CD96: variants seen among roughly 807,000 people sequenced by gnomAD.
CD96 encodes T-cell surface protein tactile.
CD96 carries 70 observed loss-of-function variants against 71.3 expected under a neutral mutation model. That is an observed-to-expected ratio of 0.98 (90% CI 0.81 to 1.20). The LOEUF is 1.20. CD96 is among the 50% of genes most tolerant of loss of function. The probability of loss-of-function intolerance (pLI) is 0.00; values close to 1 mark genes in which losing one functional copy is unlikely to be tolerated. For synonymous variants in CD96, 248 were observed against 233.0 expected (o/e 1.06, Z -0.59); for missense variants, 742 against 677.5 (o/e 1.10, Z -1.06).
intron 3 of CD96, among the ~76,000 whole-genome samples, chr3:111,568,420 C>T (rs972599017): frequency 6.6e-6 from 1 of 152,184 alleles, no homozygotes; most frequent in East Asian, 1.9e-4. Context: ...AAAAATTTCA[C>T]TGAGGATTCA....
intron 10 of CD96, among the ~76,000 whole-genome samples, chr3:111,628,052 C>A (rs1010840592): frequency 2.0e-5 from 3 of 151,884 alleles, no homozygotes; most frequent in Admixed American, 6.6e-5. Context: ...AGAATTAGCA[C>A]AAAAACACTG....
intron 6 of CD96, among the ~76,000 whole-genome samples, chr3:111,600,287 G>A (rs554362223): frequency 4.6e-5 from 7 of 152,230 alleles, no homozygotes; most frequent in South Asian, 4.1e-4. Flanking sequence ...AGTCCAAAAC[G>A]GAGTCCCAAC....
In CD96 at chr3:111,614,205, T is replaced by G. The variant is rs1938105038; in HGVS notation, c.1180+7413T>G. 2.0e-5 allele frequency among the ~76,000 whole-genome samples: 3 copies of G among 152,194 alleles called. No individual in the cohort carries two copies. The South Asian group carries it at 6.2e-4, about 32-fold the overall frequency. On this transcript the variant is annotated intron_variant, in intron 8 of 13. Coordinates refer to ENST00000352690, the MANE Select transcript of CD96 (RefSeq NM_005816.5). ...CCCCCAAGTGTGGCTCTAACTCAAC[T>G]TGGAAACGCTGGGATATGTGAGGTG...
In CD96 at chr3:111,610,816, G is replaced by A. The variant is rs1937883682; in HGVS notation, c.1180+4024G>A. 2.0e-5 allele frequency among the ~76,000 whole-genome samples: 3 copies of A among 152,200 alleles called. No individual in the cohort carries two copies. The South Asian group carries it at 6.2e-4, about 31-fold the overall frequency. On this transcript the variant is annotated intron_variant, in intron 8 of 13. Coordinates refer to ENST00000352690, the MANE Select transcript of CD96 (RefSeq NM_005816.5). Reference sequence around the variant, plus strand: ...GAGTTTCCGTCGCCTTGAGGAGAGAGCCCTGTGCCTTTCAATTCACTGGCT... The same window carrying A: ...GAGTTTCCGTCGCCTTGAGGAGAGAACCCTGTGCCTTTCAATTCACTGGCT...
At chr3:111,594,079 A>G (rs1937135693) in intron 5 of CD96, 11 of 1,614,020 alleles carry the variant, frequency 6.8e-6, no homozygotes, top group Non-Finnish European at 9.3e-6. Flanking sequence ...GAGTGGGCAT[A>G]GCACTCACAA....
At chr3:111,554,041 T>G (rs1401203536) in intron 2 of CD96, among the ~76,000 whole-genome samples, 1 of 152,056 alleles carries the variant, frequency 6.6e-6, no homozygotes, top group African/African-American at 2.4e-5. Context: ...AAAGTTTTCT[T>G]CATTTCCAAA....
intron 1 of CD96, 87 bp downstream of exon 1, chr3:111,542,396 C>T (rs1035183348): frequency 1.1e-6 from 1 of 872,968 alleles, no homozygotes; most frequent in African/African-American, 2.2e-5. Context: ...CTTGTGACTG[C>T]TGCTGAAATT....
At position 111,593,612 on chromosome 3, in the gene CD96, G is replaced by C. The variant is rs763721227; in HGVS notation, c.808-4508G>C. On this transcript the variant is annotated intron_variant, in intron 5 of 13. Coordinates refer to ENST00000352690, the MANE Select transcript of CD96 (RefSeq NM_005816.5). ...CTCCCGCTGGCATGCCTCCTTCTCA[G>C]CCCTCACCTTCCACTTCATCTCCAG... is the stretch of plus-strand genomic sequence containing the variant. The C allele has an allele frequency of 5.7e-6, 9 of 1,583,532 alleles. No homozygotes were observed. In the East Asian group the frequency reaches 1.8e-4, roughly 32 times the overall value.
chr3:111,628,105 C>A (rs1337001340), intron 10 of CD96, among the ~76,000 whole-genome samples: 2 of 152,064 alleles, frequency 1.3e-5, no homozygotes, highest in African/African-American at 2.4e-5. Flanking sequence ...AAAACAACAA[C>A]CAGAATGCTC....
chr3:111,551,002 G>A (rs980805379), intron 2 of CD96, among the ~76,000 whole-genome samples: 17 of 152,012 alleles, frequency 1.1e-4, no homozygotes, highest in African/African-American at 3.4e-4. Context: ...TGGGGTATAA[G>A]CAAAAATATT....
At position 111,650,303 on chromosome 3, in the gene CD96, C is replaced by G. The variant is rs1267280545; in HGVS notation, c.*497C>G. 1 of 175,404 alleles carries G rather than the reference C, an allele frequency of 5.7e-6. No individual in the cohort carries two copies. The highest frequency in any genetic ancestry group is 1.2e-5 in the Non-Finnish European group (1 of 80,130). The allele number at this position is 175,404 out of a possible 1,614,324, so 10.9% of individuals were successfully genotyped here. On this transcript the variant is annotated 3_prime_UTR_variant, in exon 14 of 14. Coordinates refer to ENST00000352690, the MANE Select transcript of CD96 (RefSeq NM_005816.5). ...CAAGTAATGGAGAAGTATGGTTAGT[C>G]TTCATATTGAAATTCTGTTGCTTAT...
rs918279431 is a variant in CD96 at position 111,649,867 on chromosome 3, T to G, written c.*61T>G. 2.8e-6 allele frequency: 3 copies of G among 1,063,552 alleles called. No individual in the cohort carries two copies. The highest frequency in any genetic ancestry group is 2.9e-6 in the Non-Finnish European group (2 of 678,724). 65.9% of individuals were successfully genotyped at this position (1,063,552 alleles called of 1,614,324 possible). On this transcript the variant is annotated 3_prime_UTR_variant, in exon 14 of 14. Transcript: ENST00000352690. ...GGAATCCTATTGAGAAGGTAGACAT[T>G]GTGCTTTATTAATATAGTCGCTCTT...
At chr3:111,581,569 T>TTCC (rs1240085319) in intron 4 of CD96, among the ~76,000 whole-genome samples, 1 of 152,240 alleles carries the variant, frequency 6.6e-6, no homozygotes, top group Non-Finnish European at 1.5e-5. Context: ...ATTTTGCCAC[T>TTCC]TCCTGCATCT....
At chr3:111,567,474 A>T in intron 2 of CD96, 49 bp from the exon 3 acceptor site, 1 of 1,552,130 alleles carries the variant, frequency 6.4e-7, no homozygotes, top group Non-Finnish European at 8.9e-7. Context: ...AAAGCACTTT[A>T]CAAACCAATC....
intron 3 of CD96, among the ~76,000 whole-genome samples, chr3:111,572,459 T>C (rs1344407897): frequency 3.3e-5 from 5 of 152,232 alleles, no homozygotes; most frequent in Non-Finnish European, 7.3e-5. Flanking sequence ...TTGTTACATG[T>C]CTGCAAAGGA....
chr3:111,544,056 C>T (rs922845196), intron 1 of CD96, among the ~76,000 whole-genome samples: 2 of 152,168 alleles, frequency 1.3e-5, no homozygotes, highest in Non-Finnish European at 2.9e-5. Flanking sequence ...TGGAGTTTTA[C>T]TGTTATACTT....
intron 2 of CD96, 79 bp from the exon 3 acceptor site, chr3:111,567,444 T>C: frequency 8.4e-7 from 1 of 1,192,226 alleles, no homozygotes; most frequent in Non-Finnish European, 1.2e-6. Flanking sequence ...ATACTAAAAC[T>C]GTTTTTGTCT....
In CD96 at chr3:111,567,622, C is replaced by T; in HGVS notation, c.518C>T (p.Ser173Phe). The change falls in exon 3 of 14, where the codon TCT becomes TTT. Residue 173 changes from serine to phenylalanine, a missense_variant. Physicochemically the swap from Ser to Phe is radical, Grantham distance 155. Transcript: ENST00000352690. ...CAAAATAGCTCCTCAAAAATTTCAT[C>T]TGAGTTCACCTATGCATGGTCGGTG... is the stretch of plus-strand genomic sequence containing the variant. ...CFQNSSSKISSEFTYAWSVED... is the reference protein window; with the variant it reads ...CFQNSSSKISFEFTYAWSVED... 1 of 1,613,060 alleles carries T rather than the reference C, an allele frequency of 6.2e-7. No homozygotes were observed. The highest frequency in any genetic ancestry group is 2.2e-5 in the East Asian group (1 of 44,860).
intron 8 of CD96, chr3:111,612,851 T>C: frequency 1.0e-6 from 1 of 976,324 alleles, no homozygotes; most frequent in Non-Finnish European, 1.2e-6. Flanking sequence ...ACATGCAGCA[T>C]CTGAGAGTGA....
Sources: gnomAD v4.1 joint callset for allele counts (sites outside exome capture counted in the v4.1 genomes callset) on GRCh38, gnomAD v4.1.1 for gene constraint, MANE v1.5 for transcripts, NCBI Gene and HGNC (gene_info 2026-07-23, HGNC 2026-07-21) for gene names.